Variants in TBC1D23 observed in about 807,000 individuals in gnomAD.
TBC1D23 encodes the protein TBC1 domain family member 23.
Under a neutral mutation model 91.4 loss-of-function variants are expected in TBC1D23, and 55 were observed. The ratio of observed to expected loss-of-function variants is 0.60; its 90% CI spans 0.48 to 0.75. The LOEUF is 0.75. Ranked by LOEUF, TBC1D23 falls within the 30% of genes least tolerant of loss-of-function variation. TBC1D23 has a pLI of 0.00. For missense variants in TBC1D23, 725 were observed against 836.1 expected (o/e 0.87, Z 1.64); for synonymous variants, 289 against 281.0 (o/e 1.03, Z -0.28).
intron 1 of TBC1D23, among the ~76,000 whole-genome samples, chr3:100,271,667 G>C (rs537104761): frequency 2.0e-5 from 3 of 152,148 alleles, no homozygotes; most frequent in Non-Finnish European, 4.4e-5. Flanking sequence ...TATTCTCTCT[G>C]GAGTCATAAG....
At chr3:100,268,508 T>G (rs1347769158) in intron 1 of TBC1D23, among the ~76,000 whole-genome samples, 1 of 152,224 alleles carries the variant, frequency 6.6e-6, no homozygotes, top group South Asian at 2.1e-4. Flanking sequence ...TTGCTGTAGT[T>G]GTTTCTTTAT....
chr3:100,285,813 C>G (rs149660120), intron 4 of TBC1D23, among the ~76,000 whole-genome samples: 1 of 152,100 alleles, frequency 6.6e-6, no homozygotes, highest in Non-Finnish European at 1.5e-5. Flanking sequence ...TCCCTAATGG[C>G]TAATGATGTT....
At chr3:100,261,686 A>T (rs2067512308) in intron 1 of TBC1D23, 1 of 152,116 alleles carries the variant, frequency 6.6e-6, no homozygotes, top group African/African-American at 2.4e-5. Flanking sequence ...GCAGTGTGGG[A>T]CTTTGCTCTT....
intron 9 of TBC1D23, 72 bp from the exon 10 acceptor site, chr3:100,299,167 C>A: frequency 1.0e-6 from 1 of 956,274 alleles, no homozygotes; most frequent in Non-Finnish European, 1.6e-6. Flanking sequence ...ATTTGGTTAA[C>A]TGTGAATATT....
chr3:100,291,459 G>A (rs1465015998), intron 5 of TBC1D23, among the ~76,000 whole-genome samples: 1 of 151,960 alleles, frequency 6.6e-6, no homozygotes, highest in African/African-American at 2.4e-5. Context: ...GCGTGTACCT[G>A]TAATCCCAGC....
At chr3:100,317,960 A>T (rs1240031402) in intron 16 of TBC1D23, among the ~76,000 whole-genome samples, 1 of 151,982 alleles carries the variant, frequency 6.6e-6, no homozygotes, top group African/African-American at 2.4e-5. Flanking sequence ...TTAAGTGTAT[A>T]TATACATTTA....
intron 16 of TBC1D23, among the ~76,000 whole-genome samples, chr3:100,317,051 C>T (rs1161541345): frequency 1.3e-5 from 2 of 150,118 alleles, no homozygotes; most frequent in African/African-American, 4.9e-5. Context: ...TACTACATTC[C>T]AGCCTAGGTG....
chr3:100,292,695 G>A (rs1229348401), intron 5 of TBC1D23, among the ~76,000 whole-genome samples: 2 of 152,130 alleles, frequency 1.3e-5, no homozygotes, highest in Admixed American at 6.5e-5. Context: ...CACCTCCTGG[G>A]CTCAAGTGAT....
At chr3:100,319,004 T>A (rs866140653) in intron 16 of TBC1D23, 65 bp from the exon 17 acceptor site, 1 of 1,088,054 alleles carries the variant, frequency 9.2e-7, no homozygotes, top group South Asian at 1.6e-5. Flanking sequence ...TTTTTTAGAC[T>A]GTTAGGGAAT....
intron 16 of TBC1D23, 99 bp from the exon 17 acceptor site, chr3:100,318,970 A>G: frequency 1.4e-6 from 1 of 739,994 alleles, no homozygotes; most frequent in Non-Finnish European, 2.1e-6. Flanking sequence ...TTTTCAATCC[A>G]TATCTTCAAA....
Position 100,316,178 on chromosome 3 carries a change from T to C in TBC1D23, c.1678T>C (p.Tyr560His). 6.2e-7 allele frequency: 1 copy of C among 1,612,896 alleles called. No individual in the cohort carries two copies. Among genetic ancestry groups the C allele is most frequent in the Non-Finnish European group, 8.5e-7 (1 of 1,178,880 alleles). Residue 560 changes from tyrosine (Y) to histidine (H), a missense_variant, in exon 16 of 19, where the codon TAC becomes CAC. Coordinates refer to ENST00000394144, the MANE Select transcript of TBC1D23 (RefSeq NM_001199198.3). ...TTTCAGCATTGGGGATGAAGAAGAA[T>C]ACGACACAGGTGTAGTAATACACTT... The part of the protein sequence containing the change: ...PVFSIGDEEE[Y>H]DTDEIDSSSM...
At chr3:100,319,231 A>T in intron 17 of TBC1D23, 27 bp downstream of exon 17, 1 of 1,581,604 alleles carries the variant, frequency 6.3e-7, no homozygotes, top group South Asian at 1.2e-5. Context: ...CTTCATAAGA[A>T]GTAAAATTGA....
intron 1 of TBC1D23, among the ~76,000 whole-genome samples, chr3:100,265,759 C>G (rs1365714459): frequency 1.3e-5 from 2 of 152,034 alleles, no homozygotes; most frequent in South Asian, 4.2e-4. Flanking sequence ...ATTGCTAAAC[C>G]TTTCTTAAGT....
intron 5 of TBC1D23, among the ~76,000 whole-genome samples, chr3:100,291,134 A>G (rs1412145220): frequency 6.6e-6 from 1 of 152,244 alleles, no homozygotes; most frequent in African/African-American, 2.4e-5. Flanking sequence ...TGGTTAATAT[A>G]AAAGAATATA....
At chr3:100,265,581 C>T (rs1185973105) in intron 1 of TBC1D23, among the ~76,000 whole-genome samples, 1 of 152,150 alleles carries the variant, frequency 6.6e-6, no homozygotes, top group Non-Finnish European at 1.5e-5. Context: ...TGGATTTGAA[C>T]ATATGTTCTC....
chr3:100,308,788 C>T (rs976142235), intron 13 of TBC1D23, among the ~76,000 whole-genome samples: 4 of 151,792 alleles, frequency 2.6e-5, no homozygotes, highest in Non-Finnish European at 5.9e-5. Context: ...AAATAGTACC[C>T]AAATTTCTGG....
chr3:100,266,204 A>G (rs1226858824), intron 1 of TBC1D23, among the ~76,000 whole-genome samples: 1 of 152,202 alleles, frequency 6.6e-6, no homozygotes, highest in Non-Finnish European at 1.5e-5. Context: ...AAGAAATGAA[A>G]AAGACTTATT....
intron 13 of TBC1D23, among the ~76,000 whole-genome samples, chr3:100,310,202 G>A (rs996628295): frequency 2.0e-5 from 3 of 152,170 alleles, no homozygotes; most frequent in Non-Finnish European, 4.4e-5. Flanking sequence ...GAGACCACCT[G>A]AAGACCTCAT....
At chr3:100,304,751 T>G in intron 11 of TBC1D23, 95 bp from the exon 12 acceptor site, 1 of 687,114 alleles carries the variant, frequency 1.5e-6, no homozygotes, top group Non-Finnish European at 2.6e-6. Flanking sequence ...ATTTAATGTA[T>G]CACTTGGTAT....
Sources: allele counts gnomAD v4.1 joint callset (sites outside exome capture counted in the v4.1 genomes callset), GRCh38; gene constraint gnomAD v4.1.1; transcripts MANE v1.5; gene names NCBI Gene and HGNC (gene_info 2026-07-23, HGNC 2026-07-21).